JAG2: variants seen among roughly 807,000 people sequenced by gnomAD.
JAG2 encodes jagged canonical Notch ligand 2, also known as protein jagged-2.
A neutral mutation model predicts 141.7 loss-of-function variants in JAG2; 46 were observed. That is an observed-to-expected ratio of 0.32 (90% CI 0.26 to 0.42). JAG2 has a LOEUF of 0.42. Ranked by LOEUF, JAG2 falls within the 10% of genes least tolerant of loss-of-function variation. The pLI, the probability that JAG2 is intolerant of heterozygous loss-of-function variation, is 1.00. For synonymous variants in JAG2, 862 were observed against 763.5 expected (o/e 1.13, Z -2.13); for missense variants, 1,500 against 1,817.5 (o/e 0.83, Z 3.18).
Position 105,145,983 on chromosome 14 carries a change from C to A in JAG2, c.2710-10G>T, listed in dbSNP as rs768644108. On this transcript the variant is annotated splice_polypyrimidine_tract_variant and intron_variant, in intron 22 of 25. Transcript: ENST00000331782. ...TCCATCCGCACCACACCTGGGCAGG[C>A]ACGCACAGGAGGGTCAGGCGCAGGC... 1.9e-6 allele frequency: 3 copies of A among 1,592,690 alleles called. No individual in the cohort carries two copies. The South Asian group carries it at 3.4e-5, about 18-fold the overall frequency.
chr14:105,146,045 C>G (rs1888213392), intron 22 of JAG2, 72 bp from the exon 23 acceptor site: 1 of 1,553,124 alleles, frequency 6.4e-7, no homozygotes, highest in Non-Finnish European at 8.7e-7. Context: ...CAGATGAGAA[C>G]CCACAGGCAG....
intron 5 of JAG2, among the ~76,000 whole-genome samples, chr14:105,155,357 C>A (rs1888547722): frequency 6.6e-6 from 1 of 152,192 alleles, no homozygotes; most frequent in Non-Finnish European, 1.5e-5. Context: ...ACTGTCCTCA[C>A]ATGGCTGCCG....
chr14:105,147,274 C>T (rs587737579), intron 20 of JAG2, 52 bp downstream of exon 20: 30 of 1,414,470 alleles, frequency 2.1e-5, no homozygotes, highest in Non-Finnish European at 2.6e-5. Flanking sequence ...AGACTCCTGA[C>T]ACCGCGGCTG....
In JAG2 at chr14:105,167,738, AG is replaced by A; in HGVS notation, c.417+18del. 6.9e-7 allele frequency: 1 copy of A among 1,442,616 alleles called. No homozygotes were observed. Among genetic ancestry groups the A allele is most frequent in the Non-Finnish European group, 9.1e-7 (1 of 1,098,876 alleles). The allele number at this position is 1,442,616 out of a possible 1,614,324, so 89.4% of individuals were successfully genotyped here. ...AGAGAGAGGGAAGGGCTGGAGCACGAGGGATGGAGCGCACGTACCGGCCAGG... is the reference window on the plus strand; with the variant it reads ...AGAGAGAGGGAAGGGCTGGAGCACGAGGATGGAGCGCACGTACCGGCCAGG... On this transcript the variant is annotated intron_variant, in intron 2 of 25. Coordinates refer to ENST00000331782, the MANE Select transcript of JAG2 (RefSeq NM_002226.5). The surrounding 1 kb of genome is among the most constrained non-coding windows in gnomAD (Gnocchi z 4.8).
intron 18 of JAG2, 110 bp from the exon 19 acceptor site, chr14:105,147,637 A>G: frequency 8.0e-7 from 1 of 1,245,568 alleles, no homozygotes. Context: ...GAGGGTCATC[A>G]AGGAGGGTGC....
rs1210704034 is a variant in JAG2 at position 105,147,843 on chromosome 14, G to A, written c.2294C>T (p.Thr765Ile). 6.4e-7 allele frequency: 1 copy of A among 1,552,096 alleles called. No homozygotes were observed. The highest frequency in any genetic ancestry group is 2.4e-5 in the East Asian group (1 of 41,096). Residue 765 changes from threonine (T) to isoleucine (I), a missense_variant, in exon 18 of 26, where the codon ACC becomes ATC. Coordinates refer to ENST00000331782, the MANE Select transcript of JAG2 (RefSeq NM_002226.5). Reference sequence around the variant, plus strand: ...GAAGGAGGCCCCGCTGCCCACGCAGGTGCCACCATTCACACAGGGGTTGGG... The same window carrying A: ...GAAGGAGGCCCCGCTGCCCACGCAGATGCCACCATTCACACAGGGGTTGGG... Reference protein sequence around the residue: ...CLPNPCVNGGTCVGSGASFSC... With the variant: ...CLPNPCVNGGICVGSGASFSC...
At chr14:105,146,924 C>T (rs964757075) in intron 20 of JAG2, 200 bp from the exon 21 acceptor site, 7 of 658,880 alleles carry the variant, frequency 1.1e-5, no homozygotes, top group African/African-American at 7.1e-5. Flanking sequence ...ACAGCACCCT[C>T]CTCCGTCTGC....
Position 105,143,037 on chromosome 14 carries a change from G to T in JAG2, c.3375C>A (p.Asn1125Lys). Reference sequence around the variant, plus strand: ...TGGGGTTGAGCGGGGCCCACTGGTTGTTGGCGCTCTCCTCCCGCGGCAGCC... The same window carrying T: ...TGGGGTTGAGCGGGGCCCACTGGTTTTTGGCGCTCTCCTCCCGCGGCAGCC... Reference protein sequence around the residue: ...RSRLPREESANNQWAPLNPIR... With the variant: ...RSRLPREESAKNQWAPLNPIR... The change falls in exon 26 of 26, where the codon AAC (asparagine) becomes AAA (lysine). Residue 1125 changes from asparagine (N) to lysine (K), a missense_variant. By Grantham distance (94) the Asn-to-Lys change is moderately conservative (BLOSUM62 0). This residue lies in a region of JAG2 where 425 missense variants were observed against 441.0 expected (regional missense o/e 0.96). Transcript: ENST00000331782. The T allele has an allele frequency of 6.2e-7, 1 of 1,604,940 alleles. No individual in the cohort carries two copies.
chr14:105,157,736 A>G lies in JAG2; in HGVS notation c.445T>C (p.Trp149Arg), dbSNP rs199687725. The change falls in exon 3 of 26, where the codon TGG (tryptophan) becomes CGG (arginine). Residue 149 changes from tryptophan (W) to arginine (R), a missense_variant. By Grantham distance (101) the Trp-to-Arg change is moderately radical. Around this residue, in one of 3 missense-constraint regions of JAG2, gnomAD observed 875 missense variants for 1,202.2 expected, o/e 0.73. Coordinates refer to ENST00000331782, the MANE Select transcript of JAG2 (RefSeq NM_002226.5). ...GGGGTGGTATCGTTGTCCCAGTCCC[A>G]GGCCTCCACGATGAGGGTAAAGGAG... Reference protein sequence around the residue: ...PRSFTLIVEAWDWDNDTTPNE... With the variant: ...PRSFTLIVEARDWDNDTTPNE... The G allele has an allele frequency of 1.4e-5, 22 of 1,575,918 alleles. No individual in the cohort carries two copies. The Admixed American group carries it at 3.5e-4, about 25-fold the overall frequency.
chr14:105,155,365 C>T (rs749682503), intron 5 of JAG2, among the ~76,000 whole-genome samples, 197 bp downstream of exon 5: 13 of 152,172 alleles, frequency 8.5e-5, no homozygotes, highest in Non-Finnish European at 1.5e-4. Flanking sequence ...CACATGGCTG[C>T]CGCCATCAGA....
intron 25 of JAG2, 26 bp downstream of exon 25, chr14:105,143,455 TC>T (rs1566758211): frequency 6.5e-7 from 1 of 1,541,432 alleles, no homozygotes; most frequent in Non-Finnish European, 8.7e-7. Flanking sequence ...CCTGGTGCCT[TC>T]CCAGGGGCCC....
chr14:105,143,381 G>A, intron 25 of JAG2, 101 bp downstream of exon 25: 1 of 1,432,032 alleles, frequency 7.0e-7, no homozygotes, highest in Non-Finnish European at 9.5e-7. Flanking sequence ...GGACTTCTGT[G>A]TTCCTGGTGG....
At position 105,167,264 on chromosome 14, in the gene JAG2, T is replaced by C. The variant is rs1457010432; in HGVS notation, c.417+493A>G. 6.6e-6 allele frequency among the ~76,000 whole-genome samples: 1 copy of C among 152,208 alleles called. No homozygotes were observed. The highest frequency in any genetic ancestry group is 1.9e-4 in the East Asian group (1 of 5,182). On this transcript the variant is annotated intron_variant, in intron 2 of 25. Coordinates refer to ENST00000331782, the MANE Select transcript of JAG2 (RefSeq NM_002226.5). This position sits in a 1 kb window ranked among gnomAD's most constrained non-coding sequence, Gnocchi z 4.8. ...TTCTGCCGACATAAGCGTTAGGCGT[T>C]AGGCTCTCCCGGGCCTAGGTCCCAC... is the stretch of plus-strand genomic sequence containing the variant.
intron 20 of JAG2, 64 bp from the exon 21 acceptor site, chr14:105,146,788 C>T: frequency 7.6e-7 from 1 of 1,322,980 alleles, no homozygotes. Flanking sequence ...ACCGGCATGG[C>T]CTAGGGCAGC....
At chr14:105,153,959 C>G (rs1049907205) in intron 5 of JAG2, among the ~76,000 whole-genome samples, 8 of 152,212 alleles carry the variant, frequency 5.3e-5, no homozygotes, top group Non-Finnish European at 1.2e-4. Flanking sequence ...CACCTTGTTG[C>G]ACTTTCTGAG....
In JAG2 at chr14:105,152,233, C is replaced by G. The variant is rs375084155; in HGVS notation, c.847G>C (p.Val283Leu). 7 of 1,613,458 alleles carry G rather than the reference C, an allele frequency of 4.3e-6. No homozygotes were observed. The highest frequency in any genetic ancestry group is 5.9e-6 in the Non-Finnish European group (7 of 1,180,022). The change falls in exon 6 of 26, where the codon GTG becomes CTG. Residue 283 changes from valine (V) to leucine (L), a missense_variant. Coordinates refer to ENST00000331782, the MANE Select transcript of JAG2 (RefSeq NM_002226.5). The part of the protein sequence containing the change: ...CDECVPYPGC[V>L]HGSCVEPWQC... Reference sequence around the variant, plus strand: ...CAGGGCTCCACACAACTGCCATGCACGCAGCCGGGGTAGGGGACACACTCA... The same window carrying G: ...CAGGGCTCCACACAACTGCCATGCAGGCAGCCGGGGTAGGGGACACACTCA...
rs981793762 is a variant in JAG2 at position 105,157,745 on chromosome 14, C to G, written c.436G>C (p.Val146Leu). ...TCGTTGTCCCAGTCCCAGGCCTCCA[C>G]GATGAGGGTAAAGGAGCGCTGCAGA... ...FAWPRSFTLI[V>L]EAWDWDNDTT... Residue 146 changes from valine to leucine, a missense_variant, in exon 3 of 26, where the codon GTG becomes CTG. Physicochemically the swap from Val to Leu is conservative, Grantham distance 32. This residue lies in a region of JAG2 where 875 missense variants were observed against 1,202.2 expected (regional missense o/e 0.73). Transcript: ENST00000331782. 2 of 1,577,304 alleles carry G rather than the reference C, an allele frequency of 1.3e-6. No individual in the cohort carries two copies. The highest frequency in any genetic ancestry group is 2.7e-5 in the African/African-American group (2 of 73,966).
rs761335978 is a variant in JAG2 at position 105,146,638 on chromosome 14, C to A, written c.2566G>T (p.Gly856Cys). ...TCCTGGCACCGGGGGCCGGCTCGGCCGGGTGGGCAGCTACAGCGATACCCG... is the reference window on the plus strand; with the variant it reads ...TCCTGGCACCGGGGGCCGGCTCGGCAGGGTGGGCAGCTACAGCGATACCCG... ...INGYRCSCPP[G>C]RAGPRCQEVI... is the part of the protein sequence containing the mutation. Residue 856 changes from glycine (G) to cysteine (C), a missense_variant, in exon 21 of 26, where the codon GGC (glycine) becomes TGC (cysteine). Transcript: ENST00000331782. The A allele has an allele frequency of 6.2e-7, 1 of 1,612,626 alleles. No individual in the cohort carries two copies. The highest frequency in any genetic ancestry group is 8.5e-7 in the Non-Finnish European group (1 of 1,179,862).
At chr14:105,156,347 C>A (rs962613789) in intron 3 of JAG2, among the ~76,000 whole-genome samples, 1 of 152,138 alleles carries the variant, frequency 6.6e-6, no homozygotes, top group Admixed American at 6.5e-5. Flanking sequence ...TGCCCACCCA[C>A]CTGCAGCCCT....
Sources: allele counts gnomAD v4.1 joint callset (sites outside exome capture counted in the v4.1 genomes callset), GRCh38; gene constraint gnomAD v4.1.1; regional missense constraint gnomAD v4.1.1; non-coding constraint Gnocchi (gnomAD v3.1); transcripts MANE v1.5; gene names NCBI Gene and HGNC (gene_info 2026-07-23, HGNC 2026-07-21).